Variants in ZFYVE1 observed in about 807,000 individuals in gnomAD.
The protein encoded by ZFYVE1 is zinc finger FYVE domain-containing protein 1.
In ZFYVE1, 30 loss-of-function variants were observed where a neutral mutation model predicts 74.4. That is an observed-to-expected ratio of 0.40 (90% confidence interval 0.30 to 0.55). The LOEUF (loss-of-function observed/expected upper bound fraction) is 0.55. ZFYVE1 is among the 20% of genes least tolerant of loss of function. The probability of loss-of-function intolerance (pLI) is 0.42; values close to 1 mark genes in which losing one functional copy is unlikely to be tolerated. For missense variants in ZFYVE1, 703 were observed against 1,011.6 expected, an observed-to-expected ratio of 0.69 and a Z score of 4.14; for synonymous variants, 335 against 385.1, an observed-to-expected ratio of 0.87 and a Z score of 1.52.
chr14:72,999,084 G>A (rs576460271), intron 2 of ZFYVE1, among the ~76,000 whole-genome samples: 1 of 152,268 alleles, frequency 6.6e-6, no homozygotes, highest in African/African-American at 2.4e-5. Flanking sequence ...CTTGAGCCTA[G>A]GAGTTCAAGT....
At chr14:72,979,237 C>T (rs191902988) in intron 5 of ZFYVE1, 1 of 366,408 alleles carries the variant, frequency 2.7e-6, no homozygotes, top group Non-Finnish European at 5.2e-6. Flanking sequence ...CGGTGGCTCA[C>T]GTCTGTAATC....
chr14:72,993,119 C>G, intron 4 of ZFYVE1, 24 bp downstream of exon 4: 1 of 1,568,338 alleles, frequency 6.4e-7, no homozygotes, highest in South Asian at 1.2e-5. Flanking sequence ...CAATGAGAAG[C>G]CCTTGGGGCA....
In ZFYVE1 at chr14:72,970,479, C is replaced by T. The variant is rs1335248989; in HGVS notation, c.*403G>A. 4.0e-5 allele frequency: 8 copies of T among 200,528 alleles called. No individual in the cohort carries two copies. The highest frequency in any genetic ancestry group is 1.1e-4 in the Admixed American group (2 of 18,996). 12.4% of individuals were successfully genotyped at this position (200,528 alleles called of 1,614,324 possible). ...CCACGTGGTGGCCATGGACCTGGCTCGGCTCATGAGGAAGACGTGCTGCCA... is the reference window on the plus strand; with the variant it reads ...CCACGTGGTGGCCATGGACCTGGCTTGGCTCATGAGGAAGACGTGCTGCCA... On this transcript the variant is annotated 3_prime_UTR_variant, in exon 12 of 12. Transcript: ENST00000556143.
chr14:72,980,536 A>ATTT (rs1567347244), intron 5 of ZFYVE1, among the ~76,000 whole-genome samples: 2,308 of 81,408 alleles, frequency 0.028, 50 homozygotes, highest in African/African-American at 0.07. Context: ...AGAATTAATT[A>ATTT]ATTTATTTAT....
At chr14:73,023,275 A>AATATATG in intron 2 of ZFYVE1, among the ~76,000 whole-genome samples, 1 of 111,334 alleles carries the variant, frequency 9.0e-6, no homozygotes, top group Non-Finnish European at 1.8e-5. Flanking sequence ...TATAATATAT[A>AATATATG]TTATATATGT....
At position 73,024,144 on chromosome 14, in the gene ZFYVE1, T is replaced by A; in HGVS notation, c.365A>T (p.Asn122Ile). The change falls in exon 2 of 12, where the codon AAT becomes ATT. Residue 122 changes from asparagine (N) to isoleucine (I), a missense_variant. Asn to Ile is a moderately radical substitution (Grantham distance 149). Around this residue, in one of 2 missense-constraint regions of ZFYVE1, gnomAD observed 211 missense variants for 221.7 expected, o/e 0.95. Coordinates refer to ENST00000556143, the MANE Select transcript of ZFYVE1 (RefSeq NM_021260.4). ...CAGTGACTCCTGGAGATTACTGACA[T>A]TGTACACAGTAACAGGGTGTCTCCT... Reference protein sequence around the residue: ...NKRRHPVTVYNVSNLQESLEA... With the variant: ...NKRRHPVTVYIVSNLQESLEA... The A allele has an allele frequency of 6.2e-7, 1 of 1,614,170 alleles. No individual in the cohort carries two copies. Among genetic ancestry groups the A allele is most frequent in the African/African-American group, 1.3e-5 (1 of 75,046 alleles).
rs1893012047 is a variant in ZFYVE1 at position 72,970,806 on chromosome 14, G to A, written c.*76C>T. On this transcript the variant is annotated 3_prime_UTR_variant, in exon 12 of 12. Transcript: ENST00000556143. ...ACACACCACAGCAGGTGACTGGGAG[G>A]AGGGCCTACCTCGCAAGACTGTTTC... 2 of 1,465,738 alleles carry A rather than the reference G, an allele frequency of 1.4e-6. No homozygotes were observed. The highest frequency in any genetic ancestry group is 1.9e-5 in the Admixed American group (1 of 52,090). The allele number at this position is 1,465,738 out of a possible 1,614,324, so 90.8% of individuals were successfully genotyped here.
chr14:73,002,800 G>A (rs1893900412), intron 2 of ZFYVE1, among the ~76,000 whole-genome samples: 1 of 148,898 alleles, frequency 6.7e-6, no homozygotes, highest in Non-Finnish European at 1.5e-5. Context: ...GGAGTGCAGT[G>A]GCGCAATCTC....
chr14:73,006,372 C>T (rs1004727257), intron 2 of ZFYVE1, among the ~76,000 whole-genome samples: 2 of 151,782 alleles, frequency 1.3e-5, no homozygotes, highest in African/African-American at 2.4e-5. Flanking sequence ...GCAGGGAGTT[C>T]GAGACCAGCC....
intron 1 of ZFYVE1, among the ~76,000 whole-genome samples, chr14:73,025,420 G>A (rs1341581867): frequency 6.6e-6 from 1 of 151,894 alleles, no homozygotes. Context: ...GTATAGCCAG[G>A]CGCAGTGGCT....
chr14:73,009,938 T>C (rs866695229), intron 2 of ZFYVE1, among the ~76,000 whole-genome samples: 30 of 151,982 alleles, frequency 2.0e-4, no homozygotes, highest in African/African-American at 6.8e-4. Context: ...TGAGACCTCA[T>C]CTCTACAAAA....
At chr14:73,019,355 A>G (rs1243216653) in intron 2 of ZFYVE1, among the ~76,000 whole-genome samples, 3 of 152,070 alleles carry the variant, frequency 2.0e-5, no homozygotes, top group Admixed American at 6.6e-5. Context: ...CTGTAAGTGG[A>G]AGGATTGCTT....
chr14:73,010,651 T>A (rs1894070192), intron 2 of ZFYVE1, among the ~76,000 whole-genome samples: 1 of 150,504 alleles, frequency 6.6e-6, no homozygotes, highest in Admixed American at 6.6e-5. Context: ...GCGCTTGTGA[T>A]CCCAGCTACT....
chr14:73,026,633 C>T (rs1230906222), intron 1 of ZFYVE1, among the ~76,000 whole-genome samples: 8 of 152,138 alleles, frequency 5.3e-5, no homozygotes, highest in African/African-American at 1.2e-4. Context: ...CGGGCCCCCA[C>T]CTCGACACCT....
At position 72,975,719 on chromosome 14, in the gene ZFYVE1, A is replaced by G. The variant is rs1893152174; in HGVS notation, c.1638T>C (p.Thr546=). The stretch of plus-strand genomic sequence containing the variant: ...TGTTGTTGTCCTTCAGAAACCCATC[A>G]GTCTGAAATGAAAACGCAGGCTTCC... The part of the protein sequence containing the change: ...RTEIVHVWPG[T]DGFLKDNNNA... The change falls in exon 9 of 12, where the codon ACT becomes ACC. Residue 546 remains threonine (T), a splice_region_variant and synonymous_variant. Coordinates refer to ENST00000556143, the MANE Select transcript of ZFYVE1 (RefSeq NM_021260.4). The surrounding 1 kb of genome is among the most constrained non-coding windows in gnomAD (Gnocchi z 4.1). 1 of 1,613,614 alleles carries G rather than the reference A, an allele frequency of 6.2e-7. No individual in the cohort carries two copies. The highest frequency in any genetic ancestry group is 8.5e-7 in the Non-Finnish European group (1 of 1,179,836).
chr14:72,977,868 C>T, intron 8 of ZFYVE1, 59 bp downstream of exon 8: 1 of 1,543,666 alleles, frequency 6.5e-7, no homozygotes, highest in Non-Finnish European at 8.9e-7. Context: ...GTTTTCTATA[C>T]ACATGAAAAA....
intron 4 of ZFYVE1, among the ~76,000 whole-genome samples, chr14:72,990,003 T>C (rs370626816): frequency 1.8e-4 from 28 of 152,316 alleles, no homozygotes; most frequent in African/African-American, 4.8e-4. Context: ...CAGCCATTTA[T>C]ATTATACACT....
intron 5 of ZFYVE1, chr14:72,979,257 T>C (rs1269060636): frequency 9.2e-6 from 3 of 325,136 alleles, no homozygotes; most frequent in African/African-American, 6.4e-5. Flanking sequence ...CCCAGTACTT[T>C]GGGAGGCCGA....
At chr14:72,986,794 T>C in intron 4 of ZFYVE1, 1 of 799,124 alleles carries the variant, frequency 1.3e-6, no homozygotes, top group South Asian at 5.7e-5. Context: ...CCTGCAAAAA[T>C]GTTGGGATTA....
Sources: gnomAD v4.1 joint callset for allele counts (sites outside exome capture counted in the v4.1 genomes callset) on GRCh38, gnomAD v4.1.1 for gene constraint, gnomAD v4.1.1 regional missense constraint, Gnocchi (gnomAD v3.1) non-coding constraint, MANE v1.5 for transcripts, NCBI Gene and HGNC (gene_info 2026-07-23, HGNC 2026-07-21) for gene names.